The following GLDN variants were observed in gnomAD, a reference collection of about 807,000 sequenced individuals.
GLDN encodes the protein gliomedin.
In GLDN, 47 loss-of-function variants were observed where a neutral mutation model predicts 56.5. The observed-to-expected ratio is 0.83, with a 90% CI of 0.66 to 1.06. The LOEUF (loss-of-function observed/expected upper bound fraction) is 1.06. GLDN is among the 50% of genes least tolerant of loss of function. The probability of loss-of-function intolerance (pLI) is 0.00; values close to 1 mark genes in which losing one functional copy is unlikely to be tolerated. For synonymous variants in GLDN, 332 were observed against 278.8 expected (o/e 1.19, Z -1.90); for missense variants, 782 against 714.3 (o/e 1.09, Z -1.08).
intron 1 of GLDN, 38 bp downstream of exon 1, chr15:51,342,085 G>C: frequency 6.3e-7 from 1 of 1,587,792 alleles, no homozygotes; most frequent in Non-Finnish European, 8.5e-7. Flanking sequence ...GCCCCGGCCA[G>C]GTGGGCGGCT....
intron 9 of GLDN, among the ~76,000 whole-genome samples, chr15:51,402,270 C>G (rs908827600): frequency 6.6e-6 from 1 of 152,200 alleles, no homozygotes; most frequent in East Asian, 1.9e-4. Flanking sequence ...GGAGGAGGGT[C>G]ACCTGGGTAG....
chr15:51,357,023 T>C (rs1366681762), intron 1 of GLDN, among the ~76,000 whole-genome samples: 7 of 152,174 alleles, frequency 4.6e-5, no homozygotes, highest in Non-Finnish European at 1.0e-4. Flanking sequence ...GTTTTCCAGA[T>C]AGGTGTTTTG....
At position 51,400,321 on chromosome 15, in the gene GLDN, C is replaced by G. The variant is rs777304415; in HGVS notation, c.901+46C>G. The G allele has an allele frequency of 1.5e-5, 25 of 1,613,816 alleles. No individual in the cohort carries two copies. The South Asian group carries it at 2.7e-4, about 18-fold the overall frequency. ...GTCTTGAAATTCAGAAATTGAATAC[C>G]TTCAAGTCATAATTGGCAGGCAAGT... On this transcript the variant is annotated intron_variant, in intron 7 of 9. Coordinates refer to ENST00000335449, the MANE Select transcript of GLDN (RefSeq NM_181789.4).
chr15:51,367,096 GGATCTT>G (rs2037420078), intron 1 of GLDN, among the ~76,000 whole-genome samples: 1 of 152,172 alleles, frequency 6.6e-6, no homozygotes, highest in South Asian at 2.1e-4. Flanking sequence ...AACCTGTCCA[GGATCTT>G]GCTGTGGTTA....
intron 1 of GLDN, among the ~76,000 whole-genome samples, chr15:51,355,477 G>T (rs552701606): frequency 6.6e-6 from 1 of 151,634 alleles, no homozygotes; most frequent in East Asian, 1.9e-4. Flanking sequence ...ATGCCATCTT[G>T]GTTTTGGCTG....
chr15:51,383,374 G>A (rs1241521719), intron 2 of GLDN, 62 bp from the exon 3 acceptor site: 2 of 1,561,828 alleles, frequency 1.3e-6, no homozygotes, highest in South Asian at 1.1e-5. Context: ...TGAAGGTCGG[G>A]GGTGCTCTTT....
At chr15:51,385,989 C>G (rs1170330783) in intron 4 of GLDN, among the ~76,000 whole-genome samples, 2 of 152,154 alleles carry the variant, frequency 1.3e-5, no homozygotes, top group East Asian at 3.8e-4. Context: ...GGCCTGACAG[C>G]TGTGCTGAGA....
At chr15:51,408,971 G>A (rs1566956104), downstream of GLDN, among the ~76,000 whole-genome samples, 1 of 151,418 alleles carries the variant, frequency 6.6e-6, no homozygotes, top group Non-Finnish European at 1.5e-5. Context: ...TTGCTATTGT[G>A]AATAGTGCCA....
chr15:51,349,979 G>A (rs1384680198), intron 1 of GLDN, among the ~76,000 whole-genome samples: 19 of 152,188 alleles, frequency 1.2e-4, no homozygotes, highest in Non-Finnish European at 2.6e-4. Context: ...TCCTGACCTC[G>A]TGATCTGCCC....
chr15:51,409,372 A>G (rs1230410377), downstream of GLDN, among the ~76,000 whole-genome samples: 1 of 152,084 alleles, frequency 6.6e-6, no homozygotes, highest in Non-Finnish European at 1.5e-5. Flanking sequence ...GGAGAAAATA[A>G]TAGTCTCACC....
In GLDN at chr15:51,400,570, G is replaced by A. The variant is rs527786736; in HGVS notation, c.1027+72G>A. 3.9e-5 allele frequency: 58 copies of A among 1,491,000 alleles called. 1 individual carries two copies. Among genetic ancestry groups the A allele is most frequent in the Middle Eastern group, 2.3e-4 (1 of 4,440 alleles). The allele number at this position is 1,491,000 out of a possible 1,614,324, so 92.4% of individuals were successfully genotyped here. ...TTTCATCTGTTGCCTACCTTTGGGC[G>A]TATTCCATTTGTGTGTGTCTGAAAT... On this transcript the variant is annotated intron_variant, in intron 8 of 9. Coordinates refer to ENST00000335449, the MANE Select transcript of GLDN (RefSeq NM_181789.4).
rs953082565 is a variant in GLDN, at chr15:51,404,878, A to G, written c.*124A>G. 35 of 667,990 alleles carry G rather than the reference A, an allele frequency of 5.2e-5. 1 individual carries two copies. The Admixed American group carries it at 6.4e-4, about 12-fold the overall frequency. 41.4% of individuals were successfully genotyped at this position (667,990 alleles called of 1,614,324 possible). ...AGAAAATAACCTCAAAAGTGTTTAT[A>G]TGGTCAGTGAGCCCCGCTTAGTGAA... On this transcript the variant is annotated 3_prime_UTR_variant, in exon 10 of 10. Transcript: ENST00000335449.
chr15:51,398,477 C>A (rs1250907098), intron 6 of GLDN, among the ~76,000 whole-genome samples: 4 of 152,236 alleles, frequency 2.6e-5, no homozygotes, highest in Admixed American at 2.6e-4. Context: ...GGGCCACTTG[C>A]GGCCATCTCC....
At position 51,348,284 on chromosome 15, in the gene GLDN, AT is replaced by A. The variant is rs1380719065; in HGVS notation, c.363+6244del. 1.3e-5 allele frequency among the ~76,000 whole-genome samples: 2 copies of A among 150,882 alleles called. 1 individual carries two copies. Among genetic ancestry groups the A allele is most frequent in the South Asian group, 4.2e-4 (2 of 4,708 alleles). On this transcript the variant is annotated intron_variant, in intron 1 of 9. Transcript: ENST00000335449. ...GAGCCTCCTGCTTCCTGTGCCTGAT[AT>A]TTTTTTCTTTTCTGTTCTGTTCTTT... is the stretch of plus-strand genomic sequence containing the variant.
intron 1 of GLDN, among the ~76,000 whole-genome samples, chr15:51,366,168 C>T (rs58454235): frequency 0.12 from 17,638 of 151,956 alleles, 1,925 homozygotes; most frequent in African/African-American, 0.29. Flanking sequence ...TGTTTCTGAC[C>T]GGGGAGAAGA....
intron 4 of GLDN, among the ~76,000 whole-genome samples, chr15:51,391,941 A>G (rs962241717): frequency 6.6e-6 from 1 of 151,862 alleles, no homozygotes; most frequent in African/African-American, 2.4e-5. Flanking sequence ...CATAGTTTTC[A>G]CTAAGGTTTT....
chr15:51,382,604 T>C (rs112235982), intron 2 of GLDN, among the ~76,000 whole-genome samples: 1 of 150,836 alleles, frequency 6.6e-6, no homozygotes, highest in African/African-American at 2.4e-5. Flanking sequence ...CGGGTGCCTG[T>C]AGTCCCAGCT....
chr15:51,382,594 C>T (rs548789733), intron 2 of GLDN, among the ~76,000 whole-genome samples: 19 of 151,086 alleles, frequency 1.3e-4, no homozygotes, highest in Middle Eastern at 6.8e-3. Context: ...GGCGTGGTGG[C>T]GGGTGCCTGT....
chr15:51,413,213 G>A, the GLDN span, among the ~76,000 whole-genome samples: 1 of 152,162 alleles, frequency 6.6e-6, no homozygotes, highest in South Asian at 2.1e-4. Context: ...TTTATAATGT[G>A]TATGTTTTTT....
Sources: allele counts gnomAD v4.1 joint callset (sites outside exome capture counted in the v4.1 genomes callset), GRCh38; gene constraint gnomAD v4.1.1; transcripts MANE v1.5; gene names NCBI Gene and HGNC (gene_info 2026-07-23, HGNC 2026-07-21).